Variants in MMP26 observed in about 807,000 individuals in gnomAD.
The protein encoded by MMP26 is matrix metallopeptidase 26, also known as matrix metalloproteinase-26.
Under a neutral mutation model 31.0 loss-of-function variants are expected in MMP26, and 33 were observed. The observed-to-expected ratio is 1.06, with a 90% CI of 0.81 to 1.42. The LOEUF (loss-of-function observed/expected upper bound fraction) is 1.42. Ranked by LOEUF, MMP26 falls within the 40% of genes most tolerant of loss-of-function variation. The pLI is 0.00. For synonymous variants in MMP26, 122 were observed against 114.9 expected, an observed-to-expected ratio of 1.06 and a Z score of -0.40; for missense variants, 347 against 316.1, an observed-to-expected ratio of 1.10 and a Z score of -0.74.
intron 2 of MMP26, among the ~76,000 whole-genome samples, chr11:4,810,700 G>T (rs766684470): frequency 4.6e-5 from 7 of 152,196 alleles, no homozygotes; most frequent in Non-Finnish European, 8.8e-5. Flanking sequence ...TAGGTGAAAA[G>T]AATTCCAAAG....
At chr11:4,959,195 G>A (rs1468903693) in intron 2 of MMP26, among the ~76,000 whole-genome samples, 53 of 138,536 alleles carry the variant, frequency 3.8e-4, no homozygotes, top group African/African-American at 1.4e-3. Context: ...CTGAGATCTC[G>A]CCACCGCACT....
chr11:4,781,324 G>A (rs1446610570), intron 2 of MMP26, among the ~76,000 whole-genome samples: 3 of 71,612 alleles, frequency 4.2e-5, no homozygotes, highest in African/African-American at 3.4e-4. Context: ...GAGGTGGGTG[G>A]ATCATGAGGT....
At chr11:4,848,526 A>T (rs780747079) in intron 2 of MMP26, 2 of 1,613,496 alleles carry the variant, frequency 1.2e-6, no homozygotes, top group South Asian at 1.1e-5. Flanking sequence ...CACCTTGCCA[A>T]TCAGGCCATA....
intron 2 of MMP26, among the ~76,000 whole-genome samples, chr11:4,906,315 CTGTT>C (rs1367963370): frequency 6.6e-6 from 1 of 152,200 alleles, no homozygotes; most frequent in Non-Finnish European, 1.5e-5. Flanking sequence ...ACCTAGATCT[CTGTT>C]TGGAACTTCA....
intron 2 of MMP26, chr11:4,914,984 A>C: frequency 6.2e-7 from 1 of 1,614,176 alleles, no homozygotes; most frequent in East Asian, 2.2e-5. Flanking sequence ...CACGGTGCGC[A>C]GGATCAGAGC....
At chr11:4,960,819 A>G (rs545790531) in intron 2 of MMP26, among the ~76,000 whole-genome samples, 4 of 152,236 alleles carry the variant, frequency 2.6e-5, no homozygotes, top group Non-Finnish European at 5.9e-5. Context: ...AAGCCACTTT[A>G]CACAATAAAA....
At chr11:4,834,777 T>C (rs528759379) in intron 2 of MMP26, among the ~76,000 whole-genome samples, 4 of 152,286 alleles carry the variant, frequency 2.6e-5, no homozygotes, top group African/African-American at 9.6e-5. Context: ...ATTAAGAACA[T>C]AATTATTTCT....
chr11:4,760,867 T>G (rs919432987), intron 1 of MMP26, among the ~76,000 whole-genome samples: 1 of 152,166 alleles, frequency 6.6e-6, no homozygotes, highest in Non-Finnish European at 1.5e-5. Context: ...ATTTAAGTAA[T>G]AGTGAGTGTG....
chr11:4,979,280 G>T (rs190624313), intron 2 of MMP26, among the ~76,000 whole-genome samples: 28 of 152,172 alleles, frequency 1.8e-4, no homozygotes, highest in Admixed American at 1.4e-3. Context: ...ATCTGAATTC[G>T]TTCAGACTGC....
intron 2 of MMP26, chr11:4,822,388 A>T (rs1849522440): frequency 6.9e-7 from 1 of 1,453,364 alleles, no homozygotes; most frequent in South Asian, 1.7e-5. Context: ...GCTATTTCTG[A>T]TTAGAGATAA....
At position 4,973,289 on chromosome 11, in the gene MMP26, A is replaced by G. The variant is rs118042272; in HGVS notation, c.-144-14779A>G. ...TGTGAGAGCCACAAATAAGCCATAG[A>G]TGATGTTGACCTTGTTGTCAGTGCA... On this transcript the variant is annotated intron_variant, in intron 2 of 7. Coordinates refer to ENST00000380390, the MANE Select transcript of MMP26 (RefSeq NM_021801.5). The G allele has an allele frequency of 7.9e-3, 1,210 of 153,726 alleles. 40 individuals carry two copies. Among genetic ancestry groups the G allele is most frequent in the East Asian group, 0.034 (179 of 5,208 alleles). 9.5% of individuals were successfully genotyped at this position (153,726 alleles called of 1,614,324 possible).
intron 2 of MMP26, among the ~76,000 whole-genome samples, chr11:4,844,606 A>T (rs1280579124): frequency 6.6e-6 from 1 of 152,244 alleles, no homozygotes; most frequent in Non-Finnish European, 1.5e-5. Flanking sequence ...GAATGGTTCA[A>T]CATATGAAAA....
intron 2 of MMP26, chr11:4,907,536 A>G (rs1354766033): frequency 1.9e-6 from 3 of 1,614,110 alleles, no homozygotes; most frequent in Non-Finnish European, 1.7e-6. Flanking sequence ...CCCTCGCTTC[A>G]TGAGCCCATG....
At chr11:4,737,089 A>C (rs1194777985) in intron 1 of MMP26, 1 of 152,254 alleles carries the variant, frequency 6.6e-6, no homozygotes, top group Non-Finnish European at 1.5e-5. Context: ...AGTGATGTTA[A>C]GAAAAGATGA....
chr11:4,788,201 T>C (rs1364056642), intron 2 of MMP26, among the ~76,000 whole-genome samples: 1 of 152,136 alleles, frequency 6.6e-6, no homozygotes, highest in Non-Finnish European at 1.5e-5. Flanking sequence ...TCTTCTATAT[T>C]CTTTCTGCTT....
chr11:4,816,589 T>G lies in MMP26; in HGVS notation c.-145+49248T>G, dbSNP rs143867775. On this transcript the variant is annotated intron_variant, in intron 2 of 7. Coordinates refer to ENST00000380390, the MANE Select transcript of MMP26 (RefSeq NM_021801.5). ...TTAAATTCCAGAGACAACATAAAAG[T>G]TCTTCCAGAAAACTATGGTCCAAAA... 9.9e-5 allele frequency among the ~76,000 whole-genome samples: 15 copies of G among 151,682 alleles called. No individual in the cohort carries two copies. In the East Asian group the frequency reaches 2.9e-3, roughly 29 times the overall value.
intron 2 of MMP26, among the ~76,000 whole-genome samples, chr11:4,842,314 A>G (rs1849807508): frequency 6.6e-6 from 1 of 152,202 alleles, no homozygotes; most frequent in Non-Finnish European, 1.5e-5. Flanking sequence ...GCCTCATGGT[A>G]TATTAGTTCA....
At position 4,822,467 on chromosome 11, in the gene MMP26, CAGTCCAAACTA is replaced by C; in HGVS notation, c.-145+55129_-145+55139del. The C allele has an allele frequency of 3.2e-6, 4 of 1,243,556 alleles. No individual in the cohort carries two copies. The South Asian group carries it at 1.2e-4, about 36-fold the overall frequency. 77.0% of individuals were successfully genotyped at this position (1,243,556 alleles called of 1,614,324 possible). On this transcript the variant is annotated intron_variant, in intron 2 of 7. Transcript: ENST00000380390. ...CCAAAGTGCCCACACATGCCTCCAA[CAGTCCAAACTA>C]AGCAATTTATAGGTTATGTGACATT... is the stretch of plus-strand genomic sequence containing the variant.
intron 2 of MMP26, among the ~76,000 whole-genome samples, chr11:4,783,025 G>A (rs553947807): frequency 6.6e-6 from 1 of 152,354 alleles, no homozygotes; most frequent in Admixed American, 6.5e-5. Context: ...TGCTAGGGCA[G>A]TGCAGAAGGA....
Sources: gnomAD v4.1 joint callset for allele counts (sites outside exome capture counted in the v4.1 genomes callset) on GRCh38, gnomAD v4.1.1 for gene constraint, MANE v1.5 for transcripts, NCBI Gene and HGNC (gene_info 2026-07-23, HGNC 2026-07-21) for gene names.